TRPM1: variants seen among roughly 807,000 people sequenced by gnomAD.
TRPM1 encodes transient receptor potential cation channel subfamily M member 1, also known as TRPM1-203 APA Isoform, Intron 10.
TRPM1 carries 113 observed loss-of-function variants against 149.4 expected under a neutral mutation model. The observed-to-expected ratio is 0.76, with a 90% CI of 0.65 to 0.88. The LOEUF (loss-of-function observed/expected upper bound fraction) is 0.88, where lower values mean the gene tolerates loss of function less well. Ranked by LOEUF, TRPM1 falls within the 40% of genes least tolerant of loss-of-function variation. The pLI is 0.00. For missense variants in TRPM1, 1,976 were observed against 2,038.7 expected, an observed-to-expected ratio of 0.97 and a Z score of 0.59; for synonymous variants, 741 against 759.5, an observed-to-expected ratio of 0.98 and a Z score of 0.40.
At chr15:31,043,629 A>G (rs2140932418) in intron 16 of TRPM1, among the ~76,000 whole-genome samples, 1 of 152,140 alleles carries the variant, frequency 6.6e-6, no homozygotes, top group African/African-American at 2.4e-5. Flanking sequence ...TCGCAGTGAT[A>G]TGGGAAAGGT....
At chr15:31,066,310 G>A (rs2034375523) in intron 6 of TRPM1, 63 bp from the exon 7 acceptor site, 1 of 1,576,876 alleles carries the variant, frequency 6.3e-7, no homozygotes, top group Non-Finnish European at 8.7e-7. Flanking sequence ...AACAAGGGAA[G>A]CAAGCACAAT....
At chr15:31,017,740 T>C (rs1004792100) in intron 27 of TRPM1, among the ~76,000 whole-genome samples, 6 of 152,234 alleles carry the variant, frequency 3.9e-5, no homozygotes, top group Non-Finnish European at 8.8e-5. Flanking sequence ...AGCCTGAAGG[T>C]GGTTAAATGA....
chr15:31,010,009 CTG>C (rs2032127390), intron 27 of TRPM1, among the ~76,000 whole-genome samples: 1 of 152,176 alleles, frequency 6.6e-6, no homozygotes, highest in African/African-American at 2.4e-5. Context: ...ATTTCAACAT[CTG>C]TGTTATCTTG....
At chr15:31,097,528 T>C (rs565893001) in intron 1 of TRPM1, among the ~76,000 whole-genome samples, 1 of 152,314 alleles carries the variant, frequency 6.6e-6, no homozygotes, top group Admixed American at 6.5e-5. Flanking sequence ...CTTGTTGCAG[T>C]GTATTTTAAG....
chr15:31,070,917 G>A (rs1250625833), intron 3 of TRPM1, among the ~76,000 whole-genome samples: 2 of 152,190 alleles, frequency 1.3e-5, no homozygotes, highest in African/African-American at 4.8e-5. Flanking sequence ...AATGCTAAAA[G>A]GCTATTTCAA....
chr15:31,145,783 C>T (rs2036217334), intron 1 of TRPM1, among the ~76,000 whole-genome samples: 1 of 151,998 alleles, frequency 6.6e-6, no homozygotes, highest in African/African-American at 2.4e-5. Context: ...CTCACAGGCT[C>T]ATTTTTTGAT....
intron 1 of TRPM1, among the ~76,000 whole-genome samples, chr15:31,113,650 T>C (rs1181438630): frequency 1.3e-5 from 2 of 152,170 alleles, no homozygotes; most frequent in African/African-American, 2.4e-5. Flanking sequence ...TTTTATCAAC[T>C]AGTTTTTTGC....
At chr15:31,057,332 T>C (rs1156377090) in intron 11 of TRPM1, among the ~76,000 whole-genome samples, 2 of 152,056 alleles carry the variant, frequency 1.3e-5, no homozygotes, top group East Asian at 3.9e-4. Context: ...GGGAGCTAAA[T>C]GATGAGAACA....
rs201306304 is a variant in TRPM1, at chr15:31,047,091, A to G, written c.1764+20T>C. On this transcript the variant is annotated intron_variant, in intron 15 of 27. Transcript: ENST00000256552. ...TGGTACTCGCGAACCACAGAACACT[A>G]CACAGGCACTGAGTTCTACCCTCTT... 165 of 1,614,230 alleles carry G rather than the reference A, an allele frequency of 1.0e-4. No individual in the cohort carries two copies. The highest frequency in any genetic ancestry group is 6.0e-4 in the Admixed American group (36 of 60,026).
At chr15:31,035,721 C>T (rs759995095) in intron 20 of TRPM1, 47 bp from the exon 21 acceptor site, 2 of 1,613,684 alleles carry the variant, frequency 1.2e-6, no homozygotes, top group African/African-American at 2.7e-5. Flanking sequence ...AATCACATAG[C>T]AATCAAATTT....
At chr15:31,159,434 G>A (rs1040443221) in intron 1 of TRPM1, among the ~76,000 whole-genome samples, 2 of 152,176 alleles carry the variant, frequency 1.3e-5, no homozygotes, top group African/African-American at 4.8e-5. Flanking sequence ...ACCTGGCCCG[G>A]GCTGCACGGC....
rs555737014 is a variant in TRPM1, at chr15:31,117,616, C to T, written c.55-40632G>A. Among the ~76,000 whole-genome samples the T allele has an allele frequency of 1.2e-3, 185 of 150,278 alleles. 1 individual carries two copies. The Middle Eastern group carries it at 0.014, about 11-fold the overall frequency. On this transcript the variant is annotated intron_variant, in intron 1 of 26. Coordinates refer to the TRPM1 transcript ENST00000542188. ...TGAGCCGAGATCACTTCACTGCACT[C>T]CAGCCTGGACAACAGAGTGAGATTC...
chr15:31,076,366 G>C (rs2034693815), intron 3 of TRPM1, among the ~76,000 whole-genome samples: 1 of 152,162 alleles, frequency 6.6e-6, no homozygotes, highest in South Asian at 2.1e-4. Context: ...TTTGCCCTTA[G>C]AGATGAGACA....
At chr15:31,055,640 G>A (rs2034060651) in intron 11 of TRPM1, among the ~76,000 whole-genome samples, 1 of 152,146 alleles carries the variant, frequency 6.6e-6, no homozygotes, top group Non-Finnish European at 1.5e-5. Flanking sequence ...GAGGATGTCT[G>A]CTAAAGAATA....
upstream of TRPM1, among the ~76,000 whole-genome samples, chr15:31,104,014 T>C (rs980090501): frequency 5.3e-5 from 8 of 152,026 alleles, no homozygotes; most frequent in Non-Finnish European, 4.4e-5. Context: ...TTGGATGACC[T>C]GGTGCATGGA....
At chr15:31,108,214 C>G (rs1429295340) in intron 1 of TRPM1, among the ~76,000 whole-genome samples, 11 of 152,092 alleles carry the variant, frequency 7.2e-5, no homozygotes, top group Admixed American at 6.5e-5. Flanking sequence ...GGAGAACATA[C>G]TTTGCATGGC....
chr15:31,057,603 G>A (rs926004032), intron 11 of TRPM1, among the ~76,000 whole-genome samples: 10 of 152,150 alleles, frequency 6.6e-5, no homozygotes, highest in Non-Finnish European at 1.5e-4. Context: ...CATTTTTAAG[G>A]TAATATCTGT....
intron 11 of TRPM1, chr15:31,060,338 G>A: frequency 1.6e-6 from 1 of 612,218 alleles, no homozygotes; most frequent in South Asian, 2.0e-5. Context: ...ATTTCTTCAG[G>A]AGTACTGGTT....
intron 20 of TRPM1, among the ~76,000 whole-genome samples, chr15:31,037,000 G>A (rs1045022005): frequency 2.0e-5 from 3 of 152,216 alleles, no homozygotes; most frequent in Non-Finnish European, 4.4e-5. Context: ...GTGGCTTGAT[G>A]CTTGGGATTT....
Sources: allele counts gnomAD v4.1 joint callset (sites outside exome capture counted in the v4.1 genomes callset), GRCh38; gene constraint gnomAD v4.1.1; transcripts MANE v1.5; gene names NCBI Gene and HGNC (gene_info 2026-07-23, HGNC 2026-07-21).